The following FSTL5 variants were observed in gnomAD, a reference collection of about 807,000 sequenced individuals.
FSTL5 encodes the protein follistatin like 5.
In FSTL5, 62 loss-of-function variants were observed where a neutral mutation model predicts 89.1. The observed-to-expected ratio is 0.70, with a 90% confidence interval of 0.57 to 0.86. The LOEUF (loss-of-function observed/expected upper bound fraction) is 0.86. FSTL5 is among the 40% of genes least tolerant of loss of function. FSTL5 has a pLI of 0.00. For synonymous variants in FSTL5, 383 were observed against 346.2 expected (o/e 1.11, Z -1.18); for missense variants, 1,057 against 1,001.6 (o/e 1.06, Z -0.75).
chr4:161,915,682 G>A (rs1403274281), intron 4 of FSTL5, among the ~76,000 whole-genome samples: 2 of 151,928 alleles, frequency 1.3e-5, no homozygotes, highest in African/African-American at 2.4e-5. Flanking sequence ...CAGTATTCTG[G>A]CCTCGAAAAT....
chr4:161,574,682 G>A (rs1373539860), intron 8 of FSTL5, among the ~76,000 whole-genome samples: 3 of 152,092 alleles, frequency 2.0e-5, no homozygotes, highest in Non-Finnish European at 4.4e-5. Context: ...TCCCTGCAAA[G>A]GACATTAACT....
rs552696903 is a variant in FSTL5, at chr4:161,825,457, A to G, written c.410-49383T>C. On this transcript the variant is annotated intron_variant, in intron 4 of 15. Transcript: ENST00000306100. ...TTTTTTATCTTGTGGGATAGTATCA[A>G]TAGGATTGGTACCAATTCTTCTTTG... Among the ~76,000 whole-genome samples the G allele has an allele frequency of 5.3e-5, 8 of 152,240 alleles. No homozygotes were observed. The East Asian group carries it at 1.2e-3, about 22-fold the overall frequency.
chr4:161,930,809 C>T (rs1192887758), intron 3 of FSTL5, among the ~76,000 whole-genome samples: 1 of 151,882 alleles, frequency 6.6e-6, no homozygotes, highest in Non-Finnish European at 1.5e-5. Flanking sequence ...TGAATTATTT[C>T]ATTTCCCCTA....
intron 4 of FSTL5, among the ~76,000 whole-genome samples, chr4:161,805,767 G>C (rs187464732): frequency 1.3e-5 from 2 of 152,094 alleles, no homozygotes; most frequent in Admixed American, 6.6e-5. Context: ...GTGCTCAGAG[G>C]GAGGCTTTGG....
At chr4:161,694,973 T>C (rs1738087719) in intron 6 of FSTL5, among the ~76,000 whole-genome samples, 1 of 151,772 alleles carries the variant, frequency 6.6e-6, no homozygotes. Flanking sequence ...ATGGCTCCTA[T>C]TAAAAAATAG....
intron 10 of FSTL5, among the ~76,000 whole-genome samples, chr4:161,522,345 G>A (rs1731064707): frequency 6.6e-6 from 1 of 152,086 alleles, no homozygotes; most frequent in African/African-American, 2.4e-5. Context: ...ATTTCCAGCT[G>A]ACACCTTCTG....
chr4:161,484,867 G>C (rs116159905), intron 12 of FSTL5, among the ~76,000 whole-genome samples: 1 of 152,128 alleles, frequency 6.6e-6, no homozygotes, highest in South Asian at 2.1e-4. Context: ...GTCATAAAAG[G>C]TTCTTTCATT....
At chr4:162,027,960 T>C (rs1737363436) in intron 3 of FSTL5, among the ~76,000 whole-genome samples, 2 of 152,164 alleles carry the variant, frequency 1.3e-5, no homozygotes, top group Admixed American at 6.6e-5. Context: ...ATAAAAATTA[T>C]AGTATAAACC....
At chr4:162,059,632 C>T (rs1380254822) in intron 2 of FSTL5, among the ~76,000 whole-genome samples, 1 of 152,096 alleles carries the variant, frequency 6.6e-6, no homozygotes, top group Non-Finnish European at 1.5e-5. Flanking sequence ...TAAGCCAATG[C>T]ACAATCACAA....
intron 4 of FSTL5, among the ~76,000 whole-genome samples, chr4:161,848,301 G>C (rs1731440720): frequency 6.6e-6 from 1 of 152,026 alleles, no homozygotes; most frequent in South Asian, 2.1e-4. Flanking sequence ...TCAGGAGGCT[G>C]ATTTCTTGAT....
At chr4:162,150,324 T>C (rs765413224) in intron 1 of FSTL5, among the ~76,000 whole-genome samples, 8 of 152,170 alleles carry the variant, frequency 5.3e-5, no homozygotes, top group Non-Finnish European at 8.8e-5. Context: ...GTGTGCTTCC[T>C]GTCTGAGGCA....
intron 15 of FSTL5, among the ~76,000 whole-genome samples, chr4:161,451,086 C>A (rs1733147119): frequency 6.6e-6 from 1 of 151,972 alleles, no homozygotes; most frequent in African/African-American, 2.4e-5. Context: ...TTTTACCTAT[C>A]TGTATATTTT....
intron 3 of FSTL5, among the ~76,000 whole-genome samples, chr4:161,932,304 C>T (rs1171221399): frequency 4.6e-5 from 7 of 151,780 alleles, no homozygotes; most frequent in African/African-American, 1.7e-4. Flanking sequence ...TTTCTTTCCA[C>T]CCATAACAAG....
intron 15 of FSTL5, among the ~76,000 whole-genome samples, chr4:161,436,792 T>C (rs1578973063): frequency 6.6e-6 from 1 of 152,198 alleles, no homozygotes; most frequent in South Asian, 2.1e-4. Context: ...TAATTATGAT[T>C]ATCAGCTCTT....
intron 1 of FSTL5, among the ~76,000 whole-genome samples, chr4:162,125,563 T>C (rs58191625): frequency 0.097 from 14,744 of 152,152 alleles, 911 homozygotes; most frequent in African/African-American, 0.17. Flanking sequence ...CCTATGCAGA[T>C]ACCACAGCTT....
intron 15 of FSTL5, among the ~76,000 whole-genome samples, chr4:161,388,925 T>G (rs1209785391): frequency 6.6e-6 from 1 of 152,060 alleles, no homozygotes; most frequent in Admixed American, 6.6e-5. Context: ...AATTAAAAAT[T>G]TAAAAAAATG....
chr4:161,665,902 G>A (rs937588215), intron 6 of FSTL5, among the ~76,000 whole-genome samples: 4 of 151,886 alleles, frequency 2.6e-5, no homozygotes, highest in Non-Finnish European at 4.4e-5. Flanking sequence ...AGAAGAAAAA[G>A]CATTTAAATA....
intron 4 of FSTL5, among the ~76,000 whole-genome samples, chr4:161,916,791 T>C (rs1733853484): frequency 6.6e-6 from 1 of 152,034 alleles, no homozygotes. Flanking sequence ...AACACAGAGG[T>C]ATTTCAATAT....
intron 6 of FSTL5, among the ~76,000 whole-genome samples, chr4:161,682,412 CAACTT>C (rs1343020191): frequency 6.6e-6 from 1 of 152,178 alleles, no homozygotes; most frequent in African/African-American, 2.4e-5. Context: ...CGTAACAACA[CAACTT>C]AAAAGACAAA....
Sources: gnomAD v4.1 joint callset for allele counts (sites outside exome capture counted in the v4.1 genomes callset) on GRCh38, gnomAD v4.1.1 for gene constraint, MANE v1.5 for transcripts, NCBI Gene and HGNC (gene_info 2026-07-23, HGNC 2026-07-21) for gene names.